The following NCOA1 variants were observed in gnomAD, a reference collection of about 807,000 sequenced individuals.
NCOA1 encodes nuclear receptor coactivator 1.
A neutral mutation model predicts 150.9 loss-of-function variants in NCOA1; 35 were observed. The observed-to-expected ratio is 0.23, with a 90% confidence interval of 0.18 to 0.31. The LOEUF (loss-of-function observed/expected upper bound fraction) is 0.31, where lower values mean the gene tolerates loss of function less well. Among genes scored for constraint, NCOA1 ranks in the 10% least tolerant of loss-of-function variants. NCOA1 has a pLI of 1.00. For synonymous variants in NCOA1, 590 were observed against 630.0 expected (o/e 0.94, Z 0.95); for missense variants, 1,491 against 1,749.3 (o/e 0.85, Z 2.63).
chr2:24,498,914 C>T (rs1663338857), intron 1 of NCOA1, among the ~76,000 whole-genome samples: 1 of 151,692 alleles, frequency 6.6e-6, no homozygotes, highest in South Asian at 2.1e-4. Context: ...AACTTATTCA[C>T]TCATTTTTAT....
At chr2:24,518,463 T>G (rs903699201) in intron 1 of NCOA1, among the ~76,000 whole-genome samples, 3 of 152,012 alleles carry the variant, frequency 2.0e-5, no homozygotes, top group African/African-American at 7.2e-5. Flanking sequence ...CCACTTTTCT[T>G]CCACATTATA....
At chr2:24,574,667 C>A (rs2148289374) in intron 2 of NCOA1, among the ~76,000 whole-genome samples, 1 of 151,890 alleles carries the variant, frequency 6.6e-6, no homozygotes, top group African/African-American at 2.4e-5. Context: ...GCCTAAAAAT[C>A]ATTTCTTTAA....
chr2:24,629,822 A>G (rs1669614442), intron 3 of NCOA1, among the ~76,000 whole-genome samples: 1 of 114,190 alleles, frequency 8.8e-6, no homozygotes, highest in Admixed American at 8.3e-5. Context: ...ACATACATAT[A>G]TATATATATA....
At chr2:24,753,316 C>A (rs1664340616) in intron 20 of NCOA1, among the ~76,000 whole-genome samples, 1 of 152,022 alleles carries the variant, frequency 6.6e-6, no homozygotes, top group African/African-American at 2.4e-5. Context: ...CTAATGAAAT[C>A]CAACTAAACT....
Position 24,552,242 on chromosome 2 carries a change from A to G in NCOA1, c.-395-12053A>G, listed in dbSNP as rs1250205996. ...TTGGGGGAAAATTGACATCTTAACAATATTGATTGATCTGATATTTGAAAA... is the reference window on the plus strand; with the variant it reads ...TTGGGGGAAAATTGACATCTTAACAGTATTGATTGATCTGATATTTGAAAA... On this transcript the variant is annotated intron_variant, in intron 1 of 22. Coordinates refer to ENST00000348332, the MANE Select transcript of NCOA1 (RefSeq NM_003743.5). Among the ~76,000 whole-genome samples, 7 of 146,552 alleles carry G rather than the reference A, an allele frequency of 4.8e-5. 1 individual carries two copies. The highest frequency in any genetic ancestry group is 1.8e-4 in the African/African-American group (7 of 39,158).
chr2:24,742,631 T>TG (rs990391243), intron 19 of NCOA1, among the ~76,000 whole-genome samples: 3 of 149,132 alleles, frequency 2.0e-5, no homozygotes, highest in African/African-American at 4.9e-5. Flanking sequence ...TAATTTTTGT[T>TG]TTTTTTTTTT....
intron 1 of NCOA1, among the ~76,000 whole-genome samples, chr2:24,507,600 T>C (rs1340814504): frequency 6.6e-6 from 1 of 152,010 alleles, no homozygotes; most frequent in Admixed American, 6.6e-5. Context: ...ACATTTCAGA[T>C]CTATTGTTTT....
intron 1 of NCOA1, among the ~76,000 whole-genome samples, chr2:24,557,315 G>A (rs573982593): frequency 3.3e-5 from 5 of 151,708 alleles, no homozygotes; most frequent in African/African-American, 1.2e-4. Context: ...CTTCAATTTT[G>A]TATCTCCCCT....
intron 6 of NCOA1, among the ~76,000 whole-genome samples, chr2:24,670,353 A>T (rs902313794): frequency 6.6e-6 from 1 of 152,206 alleles, no homozygotes; most frequent in Non-Finnish European, 1.5e-5. Context: ...AAACCTGTCC[A>T]TACAAAAAAT....
intron 8 of NCOA1, among the ~76,000 whole-genome samples, chr2:24,686,417 A>C (rs1336106937): frequency 6.6e-6 from 1 of 152,168 alleles, no homozygotes; most frequent in East Asian, 1.9e-4. Context: ...AAACATTATC[A>C]GGGGCATTTA....
chr2:24,736,821 A>G (rs772297422), intron 17 of NCOA1, among the ~76,000 whole-genome samples: 16 of 152,158 alleles, frequency 1.1e-4, no homozygotes, highest in Non-Finnish European at 2.9e-5. Flanking sequence ...GTGTCAGCGA[A>G]AATGTCTTCA....
chr2:24,544,393 G>A (rs1239520205), intron 1 of NCOA1, among the ~76,000 whole-genome samples: 3 of 152,168 alleles, frequency 2.0e-5, no homozygotes, highest in African/African-American at 4.8e-5. Context: ...CAAGTAAAAT[G>A]TGCGGAGATG....
chr2:24,767,805 G>A (rs1665143994), intron 22 of NCOA1: 1 of 359,956 alleles, frequency 2.8e-6, no homozygotes. Flanking sequence ...ATTTTTCAGT[G>A]ACATCATAAA....
In NCOA1 at chr2:24,612,365, CT is replaced by C. The variant is rs1184066699; in HGVS notation, c.-175+27807del. Among the ~76,000 whole-genome samples, 3 of 152,074 alleles carry C rather than the reference CT, an allele frequency of 2.0e-5. No individual in the cohort carries two copies. In the East Asian group the frequency reaches 5.8e-4, roughly 29 times the overall value. ...CTTGAATCGTTTTGTGATTATATTT[CT>C]TATTGATGTTTGTTTTGTGTAGTAT... On this transcript the variant is annotated intron_variant, in intron 3 of 22. Transcript: ENST00000348332.
At chr2:24,512,070 A>G (rs1663957387) in intron 1 of NCOA1, among the ~76,000 whole-genome samples, 1 of 152,144 alleles carries the variant, frequency 6.6e-6, no homozygotes, top group Non-Finnish European at 1.5e-5. Flanking sequence ...CCGAAACTGT[A>G]CTAACTTTTG....
At chr2:24,670,849 G>A (rs769064537) in intron 6 of NCOA1, among the ~76,000 whole-genome samples, 1 of 152,128 alleles carries the variant, frequency 6.6e-6, no homozygotes, top group Non-Finnish European at 1.5e-5. Flanking sequence ...GCTCAAGAAA[G>A]CCATTATTAT....
intron 1 of NCOA1, among the ~76,000 whole-genome samples, chr2:24,517,008 A>ACACGCGCG (rs1664228708): frequency 1.0e-5 from 1 of 100,488 alleles, no homozygotes; most frequent in Non-Finnish European, 2.5e-5. Context: ...ACGCGCGCAC[A>ACACGCGCG]CACACACACA....
chr2:24,583,825 T>C (rs1257771744), intron 2 of NCOA1, among the ~76,000 whole-genome samples: 2 of 152,248 alleles, frequency 1.3e-5, no homozygotes, highest in African/African-American at 4.8e-5. Flanking sequence ...TTCACTCATA[T>C]TGTGGGAGCT....
intron 1 of NCOA1, among the ~76,000 whole-genome samples, chr2:24,545,747 A>T (rs1357493764): frequency 2.0e-5 from 3 of 152,166 alleles, no homozygotes; most frequent in African/African-American, 7.2e-5. Context: ...TGTGGCTCTA[A>T]ATTTAACCAG....
Sources: allele counts gnomAD v4.1 joint callset (sites outside exome capture counted in the v4.1 genomes callset), GRCh38; gene constraint gnomAD v4.1.1; transcripts MANE v1.5; gene names NCBI Gene and HGNC (gene_info 2026-07-23, HGNC 2026-07-21).